The following TPI1 variants were observed in gnomAD, a reference collection of about 807,000 sequenced individuals.
The protein encoded by TPI1 is triosephosphate isomerase 1.
A neutral mutation model predicts 31.0 loss-of-function variants in TPI1; 11 were observed. The ratio of observed to expected loss-of-function variants is 0.36; its 90% CI spans 0.22 to 0.59. The LOEUF is 0.59. Ranked by LOEUF, TPI1 falls within the 20% of genes least tolerant of loss-of-function variation. TPI1 has a pLI of 0.79. For synonymous variants in TPI1, 121 were observed against 122.8 expected (o/e 0.99, Z 0.10); for missense variants, 245 against 319.7 (o/e 0.77, Z 1.78).
upstream of TPI1, chr12:6,867,519 C>G: frequency 1.3e-6 from 2 of 1,593,772 alleles, no homozygotes; most frequent in Non-Finnish European, 8.5e-7. Context: ...TGGGCAGTGG[C>G]CGCGACTGCG....
At position 6,869,598 on chromosome 12, in the gene TPI1, A is replaced by G. The variant is rs1036545610; in HGVS notation, c.458-90A>G. On this transcript the variant is annotated intron_variant, in intron 4 of 6. Transcript: ENST00000396705. The stretch of plus-strand genomic sequence containing the variant: ...AATCCCCCAATGTCCACTAGGGGGC[A>G]GTAGGCCACCGTTCTTCGTACTCCG... The G allele has an allele frequency of 2.6e-6, 4 of 1,521,600 alleles. No individual in the cohort carries two copies. The African/African-American group carries it at 5.5e-5, about 21-fold the overall frequency. The allele number at this position is 1,521,600 out of a possible 1,614,324, so 94.3% of individuals were successfully genotyped here. A position where few individuals can be genotyped will look rare whatever the true frequency, so the allele number is the denominator to read the frequency against.
chr12:6,869,642 CTCTT>C (rs1565538036), intron 4 of TPI1, 42 bp from the exon 5 acceptor site: 1 of 1,605,104 alleles, frequency 6.2e-7, no homozygotes, highest in East Asian at 2.2e-5. Context: ...GGCTGGAGAG[CTCTT>C]TCTTGTTCAC....
At chr12:6,869,444 G>A in intron 4 of TPI1, 54 bp downstream of exon 4, 1 of 1,612,716 alleles carries the variant, frequency 6.2e-7, no homozygotes, top group South Asian at 1.1e-5. Context: ...GAGACTCAGA[G>A]GGTAGGGTCA....
chr12:6,869,981 C>CT, intron 5 of TPI1, 68 bp from the exon 6 acceptor site: 1 of 1,560,282 alleles, frequency 6.4e-7, no homozygotes, highest in Non-Finnish European at 8.8e-7. Context: ...TAAGTGTCCA[C>CT]TGGTGCCAGT....
chr12:6,868,152 C>T (rs1339632987), intron 1 of TPI1: 6 of 1,130,422 alleles, frequency 5.3e-6, no homozygotes, highest in Non-Finnish European at 6.5e-6. Flanking sequence ...GCTGCTCGGG[C>T]TCCCTGAGCC....
chr12:6,868,996 G>A lies in TPI1; in HGVS notation c.239+9G>A, dbSNP rs1278222824. 5.0e-6 allele frequency: 8 copies of A among 1,613,944 alleles called. No individual in the cohort carries two copies. The highest frequency in any genetic ancestry group is 6.8e-6 in the Non-Finnish European group (8 of 1,180,014). On this transcript the variant is annotated intron_variant, in intron 2 of 6. Transcript: ENST00000396705. ...TTTACTGGGGAGATCAGGTGAGATC[G>A]AGGTGGAGAGGGGTGTGTGGGACCC...
chr12:6,868,106 T>C, intron 1 of TPI1: 1 of 1,270,574 alleles, frequency 7.9e-7, no homozygotes, highest in Non-Finnish European at 1.0e-6. Flanking sequence ...CCCAGACTCC[T>C]CCCCTTCCTC....
rs72661112 is a variant in TPI1, at chr12:6,870,850, A to G, written c.*467A>G. 4 of 550,798 alleles carry G rather than the reference A, an allele frequency of 7.3e-6. No homozygotes were observed. The highest frequency in any genetic ancestry group is 1.4e-5 in the Non-Finnish European group (4 of 290,504). 34.1% of individuals were successfully genotyped at this position (550,798 alleles called of 1,614,324 possible). A position where few individuals can be genotyped will look rare whatever the true frequency, so the allele number is the denominator to read the frequency against. On this transcript the variant is annotated 3_prime_UTR_variant, in exon 7 of 7. Coordinates refer to ENST00000396705, the MANE Select transcript of TPI1 (RefSeq NM_000365.6). Reference sequence around the variant, plus strand: ...TAGGTCTTGTGGTTTGTCTGCCTTCACTGGACTTGCCCAGATAATCTTCCT... The same window carrying G: ...TAGGTCTTGTGGTTTGTCTGCCTTCGCTGGACTTGCCCAGATAATCTTCCT...
At chr12:6,869,580 CA>C (rs1944538431) in intron 4 of TPI1, 107 bp from the exon 5 acceptor site, 6 of 1,475,132 alleles carry the variant, frequency 4.1e-6, no homozygotes, top group Non-Finnish European at 3.8e-6. Flanking sequence ...GGAAATCCCC[CA>C]ATGTCCACTA....
Position 6,870,098 on chromosome 12 carries a change from C to T in TPI1, c.593C>T (p.Ser198Phe). 6.2e-7 allele frequency: 1 copy of T among 1,614,232 alleles called. No homozygotes were observed. The highest frequency in any genetic ancestry group is 8.5e-7 in the Non-Finnish European group (1 of 1,180,040). The change falls in exon 6 of 7, where the codon TCT becomes TTT. Residue 198 changes from serine (S) to phenylalanine (F), a missense_variant. Ser to Phe is a radical substitution (Grantham distance 155). This residue lies in a region of TPI1 where 127 missense variants were observed against 163.7 expected (regional missense o/e 0.78). Coordinates refer to ENST00000396705, the MANE Select transcript of TPI1 (RefSeq NM_000365.6). Reference sequence around the variant, plus strand: ...CGAGGATGGCTGAAGTCCAACGTCTCTGATGCGGTGGCTCAGAGCACCCGT... The same window carrying T: ...CGAGGATGGCTGAAGTCCAACGTCTTTGATGCGGTGGCTCAGAGCACCCGT... ...KLRGWLKSNVSDAVAQSTRII... is the reference protein window; with the variant it reads ...KLRGWLKSNVFDAVAQSTRII...
chr12:6,870,060 A>G lies in TPI1; in HGVS notation c.555A>G (p.Val185=). Reference sequence around the variant, plus strand: ...GCTTCTTGTTCTAGGCCCAGGAAGTACACGAGAAGCTCCGAGGATGGCTGA... The same window carrying G: ...GCTTCTTGTTCTAGGCCCAGGAAGTGCACGAGAAGCTCCGAGGATGGCTGA... ...KTATPQQAQE[V]HEKLRGWLKS... Residue 185 remains valine, a synonymous_variant, in exon 6 of 7, where the codon GTA becomes GTG. Coordinates refer to ENST00000396705, the MANE Select transcript of TPI1 (RefSeq NM_000365.6). The G allele has an allele frequency of 6.2e-7, 1 of 1,614,248 alleles. No individual in the cohort carries two copies. Among genetic ancestry groups the G allele is most frequent in the Non-Finnish European group, 8.5e-7 (1 of 1,180,042 alleles).
At chr12:6,869,887 A>C in intron 5 of TPI1, 114 bp downstream of exon 5, 1 of 1,425,364 alleles carries the variant, frequency 7.0e-7, no homozygotes, top group Non-Finnish European at 9.9e-7. Flanking sequence ...TTGAACCCAG[A>C]GACAGTGACT....
chr12:6,867,481 A>G, upstream of TPI1: 2 of 1,536,668 alleles, frequency 1.3e-6, no homozygotes, highest in Middle Eastern at 2.0e-4. Context: ...GAGGAGGCGG[A>G]GTTCCACTTC....
Position 6,869,121 on chromosome 12 carries a change from G to A in TPI1, c.262G>A (p.Gly88Arg), listed in dbSNP as rs911072345. Reference sequence around the variant, plus strand: ...TAGCCCTGGCATGATCAAAGACTGCGGAGCCACGTGGGTGGTCCTGGGGCA... The same window carrying A: ...TAGCCCTGGCATGATCAAAGACTGCAGAGCCACGTGGGTGGTCCTGGGGCA... ...EISPGMIKDC[G>R]ATWVVLGHSE... The change falls in exon 3 of 7, where the codon GGA (glycine) becomes AGA (arginine). Residue 88 changes from glycine to arginine, a missense_variant. By Grantham distance (125) the Gly-to-Arg change is moderately radical. Around this residue, in one of 3 missense-constraint regions of TPI1, gnomAD observed 23 missense variants for 59.6 expected, o/e 0.39. Coordinates refer to ENST00000396705, the MANE Select transcript of TPI1 (RefSeq NM_000365.6). 8 of 1,614,200 alleles carry A rather than the reference G, an allele frequency of 5.0e-6. No homozygotes were observed. Among genetic ancestry groups the A allele is most frequent in the South Asian group, 1.1e-5 (1 of 91,070 alleles).
At chr12:6,868,830 G>C (rs1944515232) in intron 1 of TPI1, 34 bp from the exon 2 acceptor site, 7 of 1,602,532 alleles carry the variant, frequency 4.4e-6, no homozygotes, top group Non-Finnish European at 6.0e-6. Context: ...GCTTTCTTTA[G>C]TCTCATCCCC....
intron 1 of TPI1, chr12:6,868,577 C>CT (rs772256831): frequency 2.7e-4 from 358 of 1,325,590 alleles, no homozygotes; most frequent in Non-Finnish European, 3.2e-4. Flanking sequence ...TGTGAGGTGC[C>CT]TATGCCGAGA....
At position 6,869,153 on chromosome 12, in the gene TPI1, G is replaced by A. The variant is rs782668684; in HGVS notation, c.294G>A (p.Glu98=). The change falls in exon 3 of 7, where the codon GAG becomes GAA. Residue 98 remains glutamate, a synonymous_variant. Coordinates refer to ENST00000396705, the MANE Select transcript of TPI1 (RefSeq NM_000365.6). ...CGTGGGTGGTCCTGGGGCACTCAGA[G>A]AGAAGGCATGTCTTTGGGGAGTCAG... ...GATWVVLGHS[E]RRHVFGESDE... is the part of the protein sequence containing the mutation. The A allele has an allele frequency of 3.1e-6, 5 of 1,614,108 alleles. No homozygotes were observed. Among genetic ancestry groups the A allele is most frequent in the Non-Finnish European group, 3.4e-6 (4 of 1,180,048 alleles).
chr12:6,868,176 C>T (rs781944509), intron 1 of TPI1: 1 of 1,288,414 alleles, frequency 7.8e-7, no homozygotes, highest in Non-Finnish European at 1.0e-6. Flanking sequence ...GATCTGACCC[C>T]TTCCCTTCGG....
In TPI1 at chr12:6,870,066, G is replaced by A; in HGVS notation, c.561G>A (p.Glu187=). ...ATPQQAQEVH[E]KLRGWLKSNV... is the part of the protein sequence containing the mutation. ...TGTTCTAGGCCCAGGAAGTACACGA[G>A]AAGCTCCGAGGATGGCTGAAGTCCA... is the stretch of plus-strand genomic sequence containing the variant. Residue 187 remains glutamate, a synonymous_variant, in exon 6 of 7, where the codon GAG becomes GAA. Transcript: ENST00000396705. 6.2e-7 allele frequency: 1 copy of A among 1,614,252 alleles called. No individual in the cohort carries two copies.
Sources: allele counts gnomAD v4.1 joint callset, GRCh38; gene constraint gnomAD v4.1.1; regional missense constraint gnomAD v4.1.1; transcripts MANE v1.5; gene names NCBI Gene and HGNC (gene_info 2026-07-23, HGNC 2026-07-21).